The following SETD9 variants were observed in gnomAD, a reference collection of about 807,000 sequenced individuals.
SETD9 encodes the protein SET domain containing 9.
In SETD9, 37 loss-of-function variants were observed where a neutral mutation model predicts 36.4. The observed-to-expected ratio is 1.02, with a 90% CI of 0.78 to 1.34. The LOEUF (loss-of-function observed/expected upper bound fraction) is 1.34, where lower values mean the gene tolerates loss of function less well. Among genes scored for constraint, SETD9 ranks in the 40% most tolerant of loss-of-function variants. The pLI is 0.00. For missense variants in SETD9, 323 were observed against 353.2 expected (o/e 0.91, Z 0.69); for synonymous variants, 128 against 132.9 (o/e 0.96, Z 0.26).
intron 5 of SETD9, chr5:56,923,667 A>C: frequency 1.2e-6 from 2 of 1,614,116 alleles, no homozygotes; most frequent in Non-Finnish European, 1.7e-6. Flanking sequence ...AACTGTACTA[A>C]ATGCAGAAAG....
At position 56,914,976 on chromosome 5, in the gene SETD9, C is replaced by A. The variant is rs773436362; in HGVS notation, c.812+10C>A. The stretch of plus-strand genomic sequence containing the variant: ...GCTATGACAAACAAAGGTTCGTTTG[C>A]TAAAAGAGCATTTCATATCTTCTGC... On this transcript the variant is annotated intron_variant, in intron 5 of 5. Coordinates refer to ENST00000285947, the MANE Select transcript of SETD9 (RefSeq NM_153706.4). 1 of 1,567,466 alleles carries A rather than the reference C, an allele frequency of 6.4e-7. No homozygotes were observed. The highest frequency in any genetic ancestry group is 1.3e-5 in the African/African-American group (1 of 74,266).
chr5:56,921,661 C>A (rs1749679591), downstream of SETD9: 1 of 152,630 alleles, frequency 6.6e-6, no homozygotes, highest in African/African-American at 2.4e-5. Flanking sequence ...TACATCCTAT[C>A]TACTCATCAG....
intron 2 of SETD9, chr5:56,912,154 C>CA (rs927789969): frequency 3.4e-4 from 332 of 968,170 alleles, no homozygotes; most frequent in Middle Eastern, 5.3e-4. Flanking sequence ...GGCTCCATCT[C>CA]AAAAAAAAGA....
Position 56,923,785 on chromosome 5 carries a change from C to T in SETD9, c.813-1548C>T, listed in dbSNP as rs200988018. On this transcript the variant is annotated intron_variant, in intron 5 of 5. Coordinates refer to the SETD9 transcript ENST00000628593. ...TAGAAGTTAAGGCTGAAGCATTTAC[C>T]GTCCCACCCAAAGCTTCTGTTTCAT... 5.3e-5 allele frequency: 85 copies of T among 1,614,142 alleles called. No homozygotes were observed. In the East Asian group the frequency reaches 9.6e-4, roughly 18 times the overall value.
chr5:56,927,318 TATA>T, downstream of SETD9, among the ~76,000 whole-genome samples: 1 of 152,206 alleles, frequency 6.6e-6, no homozygotes, highest in South Asian at 2.1e-4. Context: ...TAATAAAAGA[TATA>T]ATAATAACTA....
intron 2 of SETD9, among the ~76,000 whole-genome samples, chr5:56,911,930 G>T (rs757192291): frequency 6.6e-5 from 10 of 152,182 alleles, no homozygotes; most frequent in Non-Finnish European, 1.3e-4. Context: ...GGAGGCCGAG[G>T]CGGGCAGATC....
At chr5:56,919,493 C>T (rs1400605466), downstream of SETD9, 2 of 152,100 alleles carry the variant, frequency 1.3e-5, no homozygotes, top group African/African-American at 4.8e-5. Flanking sequence ...TTATTTACTG[C>T]ATCTAAAACC....
chr5:56,923,379 T>A (rs761210538), intron 5 of SETD9: 33 of 1,614,184 alleles, frequency 2.0e-5, no homozygotes, highest in Non-Finnish European at 2.8e-5. Context: ...CACATGTTCA[T>A]AGGGTTTAGC....
At chr5:56,925,884 G>A (rs758773809), downstream of SETD9, among the ~76,000 whole-genome samples, 12 of 151,936 alleles carry the variant, frequency 7.9e-5, no homozygotes, top group Non-Finnish European at 8.8e-5. Flanking sequence ...TGGTATTGGG[G>A]GGGTGGGGAA....
intron 5 of SETD9, among the ~76,000 whole-genome samples, chr5:56,916,169 G>A (rs1273955328): frequency 3.3e-5 from 5 of 152,112 alleles, no homozygotes; most frequent in Admixed American, 1.3e-4. Context: ...CGAGGCGGGC[G>A]GATCACAAGG....
chr5:56,913,305 CG>C (rs897378922), intron 3 of SETD9, among the ~76,000 whole-genome samples, 171 bp downstream of exon 3: 1 of 152,048 alleles, frequency 6.6e-6, no homozygotes, highest in Non-Finnish European at 1.5e-5. Context: ...CCTCCCATCT[CG>C]GCCTTCCAAA....
downstream of SETD9, chr5:56,925,558 C>A: frequency 4.7e-6 from 1 of 214,816 alleles, no homozygotes; most frequent in Non-Finnish European, 9.5e-6. Context: ...AAAATATATG[C>A]AAAATCTGTA....
intron 5 of SETD9, chr5:56,923,391 C>G: frequency 6.2e-7 from 1 of 1,614,158 alleles, no homozygotes; most frequent in Non-Finnish European, 8.5e-7. Flanking sequence ...GGGTTTAGCT[C>G]CGAGTGATAA....
chr5:56,923,144 G>A (rs1264682638), intron 5 of SETD9: 11 of 1,613,714 alleles, frequency 6.8e-6, no homozygotes, highest in Non-Finnish European at 9.3e-6. Context: ...AGAGTGTAGG[G>A]CCGCGTGCTG....
upstream of SETD9, chr5:56,909,404 A>C: frequency 2.5e-6 from 1 of 400,890 alleles, no homozygotes; most frequent in Non-Finnish European, 4.4e-6. Flanking sequence ...CGACCGGAGA[A>C]AGAAAAAGTG....
chr5:56,916,181 C>A (rs1021235623), intron 5 of SETD9, among the ~76,000 whole-genome samples: 8 of 152,128 alleles, frequency 5.3e-5, no homozygotes, highest in African/African-American at 1.7e-4. Context: ...ATCACAAGGT[C>A]AGGAGTTTGA....
intron 5 of SETD9, chr5:56,923,543 A>C: frequency 6.2e-7 from 1 of 1,614,076 alleles, no homozygotes; most frequent in Non-Finnish European, 8.5e-7. Context: ...CAAACAATTC[A>C]CATCTGTGGG....
At chr5:56,910,982 T>C in intron 1 of SETD9, 187 bp from the exon 2 acceptor site, 1 of 493,174 alleles carries the variant, frequency 2.0e-6, no homozygotes, top group Non-Finnish European at 3.4e-6. Context: ...ACTACTTGGG[T>C]GGGAAGTGTT....
chr5:56,917,999 C>T (rs1749500627), downstream of SETD9, among the ~76,000 whole-genome samples: 1 of 152,154 alleles, frequency 6.6e-6, no homozygotes, highest in African/African-American at 2.4e-5. Flanking sequence ...TTTCAGTAGC[C>T]TCTCAATTGC....
Sources: allele counts gnomAD v4.1 joint callset (sites outside exome capture counted in the v4.1 genomes callset), GRCh38; gene constraint gnomAD v4.1.1; transcripts MANE v1.5; gene names NCBI Gene and HGNC (gene_info 2026-07-23, HGNC 2026-07-21).